Variants in HHAT observed in about 807,000 individuals in gnomAD.
HHAT encodes the protein protein-cysteine N-palmitoyltransferase HHAT.
A neutral mutation model predicts 70.8 loss-of-function variants in HHAT; 47 were observed. The observed-to-expected ratio is 0.66, with a 90% CI of 0.53 to 0.85. The LOEUF (loss-of-function observed/expected upper bound fraction) is 0.85. Ranked by LOEUF, HHAT falls within the 40% of genes least tolerant of loss-of-function variation. The pLI, the probability that HHAT is intolerant of heterozygous loss-of-function variation, is 0.00. For synonymous variants in HHAT, 228 were observed against 247.6 expected (o/e 0.92, Z 0.74); for missense variants, 609 against 604.8 (o/e 1.01, Z -0.07).
intron 9 of HHAT, among the ~76,000 whole-genome samples, chr1:210,569,069 G>C (rs921236216): frequency 2.6e-5 from 4 of 152,036 alleles, no homozygotes; most frequent in African/African-American, 2.4e-5. Flanking sequence ...CCACACATGA[G>C]GTGTCAGAAG....
Position 210,445,432 on chromosome 1 carries a change from A to G in HHAT, c.857-19073A>G, listed in dbSNP as rs1215614162. 3.3e-5 allele frequency among the ~76,000 whole-genome samples: 5 copies of G among 152,116 alleles called. No individual in the cohort carries two copies. The East Asian group carries it at 9.6e-4, about 29-fold the overall frequency. ...GTGGTGAAATAATCTTTTAAATTTCATTCTTTTAGAGTATATTTTTTACTA... is the reference window on the plus strand; with the variant it reads ...GTGGTGAAATAATCTTTTAAATTTCGTTCTTTTAGAGTATATTTTTTACTA... On this transcript the variant is annotated intron_variant, in intron 7 of 11. Coordinates refer to ENST00000261458, the MANE Select transcript of HHAT (RefSeq NM_018194.6).
At chr1:210,568,643 C>A (rs1349078379) in intron 9 of HHAT, among the ~76,000 whole-genome samples, 1 of 152,156 alleles carries the variant, frequency 6.6e-6, no homozygotes, top group Non-Finnish European at 1.5e-5. Flanking sequence ...GGTTTAAATA[C>A]CCTCTAGAGG....
At chr1:210,584,952 G>C (rs1484630501) in intron 9 of HHAT, among the ~76,000 whole-genome samples, 1 of 152,236 alleles carries the variant, frequency 6.6e-6, no homozygotes, top group African/African-American at 2.4e-5. Flanking sequence ...TTAATCTGTA[G>C]TGAGTGCTTG....
At chr1:210,606,353 T>G (rs1221459324) in intron 10 of HHAT, among the ~76,000 whole-genome samples, 1 of 152,180 alleles carries the variant, frequency 6.6e-6, no homozygotes, top group Non-Finnish European at 1.5e-5. Flanking sequence ...CTTACACAAC[T>G]GTTTCCTCCA....
At chr1:210,463,742 A>C (rs1348263527) in intron 7 of HHAT, among the ~76,000 whole-genome samples, 1 of 121,642 alleles carries the variant, frequency 8.2e-6, no homozygotes, top group Admixed American at 8.2e-5. Flanking sequence ...TGTTTTCCAA[A>C]GCAGCTGCCT....
At chr1:210,574,492 C>CT (rs1167205402) in intron 9 of HHAT, among the ~76,000 whole-genome samples, 9 of 152,256 alleles carry the variant, frequency 5.9e-5, no homozygotes, top group Non-Finnish European at 8.8e-5. Context: ...GTGGGACCCC[C>CT]TGAAGGTAGG....
chr1:210,553,184 G>A (rs981763741), intron 9 of HHAT, among the ~76,000 whole-genome samples: 1 of 152,190 alleles, frequency 6.6e-6, no homozygotes, highest in African/African-American at 2.4e-5. Context: ...TGCTGCCCAG[G>A]AAGAGGGGAC....
intron 11 of HHAT, among the ~76,000 whole-genome samples, chr1:210,642,454 C>T (rs566040394): frequency 3.6e-4 from 55 of 152,240 alleles, no homozygotes; most frequent in Middle Eastern, 6.8e-3. Context: ...TGGGGTTGCA[C>T]CAATTTATTG....
At chr1:210,371,284 G>A (rs2089549406) in intron 3 of HHAT, among the ~76,000 whole-genome samples, 1 of 152,144 alleles carries the variant, frequency 6.6e-6, no homozygotes, top group African/African-American at 2.4e-5. Context: ...CCCAAGCAGG[G>A]CCTACAGGCA....
chr1:210,582,885 G>T (rs1392170796), intron 9 of HHAT, among the ~76,000 whole-genome samples: 2 of 152,198 alleles, frequency 1.3e-5, no homozygotes, highest in Non-Finnish European at 2.9e-5. Context: ...AAATCCCTTT[G>T]TAAATTGTAA....
At chr1:210,481,106 T>C (rs2094389471) in intron 8 of HHAT, among the ~76,000 whole-genome samples, 1 of 151,388 alleles carries the variant, frequency 6.6e-6, no homozygotes, top group Non-Finnish European at 1.5e-5. Flanking sequence ...ATAAATGCTA[T>C]GGCAAAAATA....
Position 210,444,350 on chromosome 1 carries a change from G to A in HHAT, c.857-20155G>A, listed in dbSNP as rs139982738. Among the ~76,000 whole-genome samples the A allele has an allele frequency of 7.9e-3, 1,109 of 141,130 alleles. 45 individuals carry two copies. The highest frequency in any genetic ancestry group is 0.026 in the African/African-American group (1,011 of 39,342). 92.6% of individuals were successfully genotyped at this position (141,130 alleles called of 152,430 possible). A position where few individuals can be genotyped will look rare whatever the true frequency, so the allele number is the denominator to read the frequency against. On this transcript the variant is annotated intron_variant, in intron 7 of 11. Coordinates refer to ENST00000261458, the MANE Select transcript of HHAT (RefSeq NM_018194.6). ...TGCCTCGCTTTGGTATCAGAATGATGCTGGCCTCATAAAATGAGTTAAGGA... is the reference window on the plus strand; with the variant it reads ...TGCCTCGCTTTGGTATCAGAATGATACTGGCCTCATAAAATGAGTTAAGGA...
chr1:210,648,641 G>C (rs976127428), intron 11 of HHAT, among the ~76,000 whole-genome samples: 4 of 137,436 alleles, frequency 2.9e-5, no homozygotes, highest in Admixed American at 2.2e-4. Context: ...TACACTTACT[G>C]TTAAAGCCCC....
At position 210,402,303 on chromosome 1, in the gene HHAT, C is replaced by T. The variant is rs1434443419; in HGVS notation, c.468+1641C>T. On this transcript the variant is annotated intron_variant, in intron 5 of 11. Transcript: ENST00000261458. ...AACATCAGGGGTCATATGCCCAGGG[C>T]AGGACCATTGATGTTTCCCACCTTC... Among the ~76,000 whole-genome samples the T allele has an allele frequency of 2.0e-5, 3 of 152,186 alleles. No homozygotes were observed. The East Asian group carries it at 5.8e-4, about 29-fold the overall frequency.
chr1:210,485,436 T>C (rs1011303214), intron 8 of HHAT, among the ~76,000 whole-genome samples: 7 of 152,086 alleles, frequency 4.6e-5, no homozygotes, highest in Admixed American at 2.0e-4. Flanking sequence ...ATTTCATCTC[T>C]TCCTTGGGTG....
At position 210,578,101 on chromosome 1, in the gene HHAT, C is replaced by A. The variant is rs371453132; in HGVS notation, c.1044-9797C>A. On this transcript the variant is annotated intron_variant, in intron 9 of 11. Transcript: ENST00000261458. ...TTATTTAAATTTTTGGTAGAATCCA[C>A]CAGTGAAGACATCAGGTCCTGGACT... 1.1e-4 allele frequency among the ~76,000 whole-genome samples: 17 copies of A among 152,202 alleles called. No homozygotes were observed. The East Asian group carries it at 2.9e-3, about 26-fold the overall frequency.
chr1:210,369,091 G>GAAAA (rs764026000), intron 3 of HHAT, among the ~76,000 whole-genome samples: 1 of 143,636 alleles, frequency 7.0e-6, no homozygotes, highest in Admixed American at 7.0e-5. Context: ...AAAAAAGAAA[G>GAAAA]AAAAAAAAAA....
chr1:210,552,906 T>C (rs1382787679), intron 9 of HHAT, among the ~76,000 whole-genome samples: 1 of 152,224 alleles, frequency 6.6e-6, no homozygotes, highest in Non-Finnish European at 1.5e-5. Context: ...CTCTGTGTTC[T>C]TGTAGCTGTC....
At chr1:210,622,906 C>T (rs188479856) in intron 10 of HHAT, among the ~76,000 whole-genome samples, 4 of 152,330 alleles carry the variant, frequency 2.6e-5, no homozygotes, top group Admixed American at 2.0e-4. Context: ...TGTAGGTTTA[C>T]ATGCAGAAAG....
Sources: gnomAD v4.1 joint callset for allele counts (sites outside exome capture counted in the v4.1 genomes callset) on GRCh38, gnomAD v4.1.1 for gene constraint, MANE v1.5 for transcripts, NCBI Gene and HGNC (gene_info 2026-07-23, HGNC 2026-07-21) for gene names.